The following ROBO2 variants were observed in gnomAD, a reference collection of about 807,000 sequenced individuals.
ROBO2 encodes the protein roundabout homolog 2.
Under a neutral mutation model 160.8 loss-of-function variants are expected in ROBO2, and 53 were observed. The ratio of observed to expected loss-of-function variants is 0.33; its 90% CI spans 0.26 to 0.41. The LOEUF (loss-of-function observed/expected upper bound fraction) is 0.41. Ranked by LOEUF, ROBO2 falls within the 10% of genes least tolerant of loss-of-function variation. The pLI is 1.00. For synonymous variants in ROBO2, 664 were observed against 611.7 expected (o/e 1.09, Z -1.26); for missense variants, 1,577 against 1,722.4 (o/e 0.92, Z 1.49).
chr3:76,984,025 C>T (rs2060238806), intron 2 of ROBO2, among the ~76,000 whole-genome samples: 1 of 152,124 alleles, frequency 6.6e-6, no homozygotes, highest in Non-Finnish European at 1.5e-5. Flanking sequence ...GAGTGAGTGC[C>T]AGCAGGGGAA....
At chr3:77,639,855 T>G (rs1188907779) in intron 24 of ROBO2, among the ~76,000 whole-genome samples, 2 of 152,170 alleles carry the variant, frequency 1.3e-5, no homozygotes, top group Non-Finnish European at 2.9e-5. Flanking sequence ...TGTGTTGAGA[T>G]GTACTAAATG....
intron 2 of ROBO2, among the ~76,000 whole-genome samples, chr3:77,297,063 C>T (rs2062212534): frequency 6.6e-6 from 1 of 151,582 alleles, no homozygotes; most frequent in African/African-American, 2.4e-5. Flanking sequence ...CTGGAGTTAT[C>T]ACAAAGTTGG....
intron 2 of ROBO2, among the ~76,000 whole-genome samples, chr3:77,311,675 T>C (rs1187576295): frequency 1.3e-5 from 2 of 152,140 alleles, no homozygotes; most frequent in East Asian, 1.9e-4. Flanking sequence ...CTTCTCAGGG[T>C]TCTTGTTGTA....
chr3:77,011,287 A>T (rs1033881763), intron 2 of ROBO2, among the ~76,000 whole-genome samples: 1 of 152,088 alleles, frequency 6.6e-6, no homozygotes, highest in Non-Finnish European at 1.5e-5. Flanking sequence ...TGCCTAGTTC[A>T]GGGTCTCCCC....
chr3:76,325,104 CAAAACA>C (rs1243537657), intron 2 of ROBO2, among the ~76,000 whole-genome samples: 1 of 152,162 alleles, frequency 6.6e-6, no homozygotes, highest in Non-Finnish European at 1.5e-5. Context: ...GACTCCGTCT[CAAAACA>C]AAAACAAACA....
intron 1 of ROBO2, among the ~76,000 whole-genome samples, chr3:75,922,562 C>G (rs1311688683): frequency 6.6e-6 from 1 of 151,796 alleles, no homozygotes; most frequent in Non-Finnish European, 1.5e-5. Context: ...TAAAAAAAGA[C>G]AAAGTACATT....
intron 2 of ROBO2, among the ~76,000 whole-genome samples, chr3:76,622,302 GA>G (rs2089267471): frequency 7.4e-6 from 1 of 134,680 alleles, no homozygotes; most frequent in African/African-American, 2.9e-5. Flanking sequence ...AAGAAAGAAA[GA>G]AAGAAAGAAA....
At chr3:76,491,506 G>A (rs919012095) in intron 2 of ROBO2, among the ~76,000 whole-genome samples, 7 of 152,270 alleles carry the variant, frequency 4.6e-5, no homozygotes, top group Admixed American at 2.0e-4. Context: ...GAATGGATTA[G>A]ATAAAACAGA....
chr3:76,595,587 C>T (rs887450494), intron 2 of ROBO2, among the ~76,000 whole-genome samples: 10 of 151,836 alleles, frequency 6.6e-5, no homozygotes, highest in African/African-American at 1.5e-4. Flanking sequence ...AAAGCATGAA[C>T]GTGATCTTTA....
intron 2 of ROBO2, among the ~76,000 whole-genome samples, chr3:76,495,421 T>C (rs535786592): frequency 3.2e-4 from 48 of 152,212 alleles, no homozygotes; most frequent in African/African-American, 1.1e-3. Context: ...TCATATTCAG[T>C]AAGTGAAAAG....
chr3:77,175,108 T>G (rs1046205034), intron 2 of ROBO2, among the ~76,000 whole-genome samples: 2 of 152,064 alleles, frequency 1.3e-5, no homozygotes, highest in African/African-American at 4.8e-5. Context: ...ATTACTATTC[T>G]CATTCTGCCG....
At chr3:76,263,567 G>A (rs1559696802) in intron 2 of ROBO2, among the ~76,000 whole-genome samples, 1 of 152,054 alleles carries the variant, frequency 6.6e-6, no homozygotes, top group Non-Finnish European at 1.5e-5. Context: ...ATTTGAGGAG[G>A]CCTACTGAAT....
chr3:77,233,592 TTAGTATAATAC>T (rs1287468058), intron 2 of ROBO2, among the ~76,000 whole-genome samples: 1 of 152,210 alleles, frequency 6.6e-6, no homozygotes, highest in South Asian at 2.1e-4. Context: ...ATTTCAAATT[TTAGTATAATAC>T]TAGTATAATA....
chr3:77,258,844 G>C (rs747951335), intron 2 of ROBO2, among the ~76,000 whole-genome samples: 2 of 152,110 alleles, frequency 1.3e-5, no homozygotes, highest in Non-Finnish European at 2.9e-5. Context: ...GTTGTCTTGG[G>C]GACAAAATTT....
intron 2 of ROBO2, among the ~76,000 whole-genome samples, chr3:76,407,668 G>C (rs750219120): frequency 2.0e-5 from 3 of 151,882 alleles, no homozygotes; most frequent in Non-Finnish European, 2.9e-5. Flanking sequence ...TATGAATAAT[G>C]GGTAATAATC....
chr3:76,086,439 T>C (rs2069015589), intron 2 of ROBO2, among the ~76,000 whole-genome samples: 1 of 152,066 alleles, frequency 6.6e-6, no homozygotes, highest in African/African-American at 2.4e-5. Flanking sequence ...ATCACCCAAC[T>C]TCAGCCACTT....
intron 2 of ROBO2, among the ~76,000 whole-genome samples, chr3:76,749,664 A>G (rs1283930428): frequency 1.3e-5 from 2 of 152,132 alleles, no homozygotes; most frequent in African/African-American, 4.8e-5. Context: ...GTATACAAGT[A>G]TCAATGGCAG....
rs569760292 is a variant in ROBO2, at chr3:76,799,123, A to C, written c.110-298891A>C. Among the ~76,000 whole-genome samples the C allele has an allele frequency of 5.9e-5, 9 of 152,128 alleles. No homozygotes were observed. The South Asian group carries it at 1.2e-3, about 21-fold the overall frequency. On this transcript the variant is annotated intron_variant, in intron 2 of 26. Transcript: ENST00000487694. ...CAGCTACTCGGGAGGCTGAGGCAGGAGAATCACTTGAACCCAGGAGACGGA... is the reference window on the plus strand; with the variant it reads ...CAGCTACTCGGGAGGCTGAGGCAGGCGAATCACTTGAACCCAGGAGACGGA...
At chr3:75,923,540 C>T (rs1223428516) in intron 1 of ROBO2, among the ~76,000 whole-genome samples, 1 of 152,150 alleles carries the variant, frequency 6.6e-6, no homozygotes, top group East Asian at 1.9e-4. Context: ...GGCAAGTCCT[C>T]AGAGAAGTCA....
Sources: gnomAD v4.1 joint callset for allele counts (sites outside exome capture counted in the v4.1 genomes callset) on GRCh38, gnomAD v4.1.1 for gene constraint, MANE v1.5 for transcripts, NCBI Gene and HGNC (gene_info 2026-07-23, HGNC 2026-07-21) for gene names.